Variants in MAST4 observed in about 807,000 individuals in gnomAD.
MAST4 encodes microtubule-associated serine/threonine-protein kinase 4.
In MAST4, 89 loss-of-function variants were observed where a neutral mutation model predicts 162.7. The observed-to-expected ratio is 0.55, with a 90% CI of 0.46 to 0.65. MAST4 has a LOEUF of 0.65. MAST4 is among the 30% of genes least tolerant of loss of function. The probability of loss-of-function intolerance (pLI) is 0.00; values close to 1 mark genes in which losing one functional copy is unlikely to be tolerated. For missense variants in MAST4, 3,153 were observed against 3,374.0 expected (o/e 0.93, Z 1.62); for synonymous variants, 1,479 against 1,361.1 (o/e 1.09, Z -1.91).
chr5:66,606,845 A>G (rs1742918180), intron 1 of MAST4, among the ~76,000 whole-genome samples: 1 of 149,730 alleles, frequency 6.7e-6, no homozygotes, highest in Admixed American at 6.8e-5. Context: ...CTGAAAGTGA[A>G]TTTGCTCATT....
At chr5:66,709,564 A>G (rs1047714528) in intron 1 of MAST4, among the ~76,000 whole-genome samples, 1 of 152,044 alleles carries the variant, frequency 6.6e-6, no homozygotes, top group African/African-American at 2.4e-5. Context: ...CAGTCCTCCC[A>G]TCTCGGCCTC....
At chr5:66,625,042 T>A (rs1744338375) in intron 1 of MAST4, among the ~76,000 whole-genome samples, 1 of 152,238 alleles carries the variant, frequency 6.6e-6, no homozygotes, top group African/African-American at 2.4e-5. Flanking sequence ...AAGTGTTATT[T>A]TTTTGTACAT....
intron 26 of MAST4, among the ~76,000 whole-genome samples, chr5:67,154,625 C>A (rs1040191853): frequency 6.6e-6 from 1 of 152,152 alleles, no homozygotes; most frequent in Non-Finnish European, 1.5e-5. Flanking sequence ...CTTGCACAAC[C>A]CAAAGCCTTC....
At chr5:66,720,713 T>C (rs560562633) in intron 1 of MAST4, among the ~76,000 whole-genome samples, 1 of 152,208 alleles carries the variant, frequency 6.6e-6, no homozygotes, top group Non-Finnish European at 1.5e-5. Context: ...TTTTTAATGA[T>C]TCTTTCTTTT....
chr5:67,028,917 C>T (rs1447028547), intron 4 of MAST4, among the ~76,000 whole-genome samples: 1 of 151,880 alleles, frequency 6.6e-6, no homozygotes, highest in Non-Finnish European at 1.5e-5. Flanking sequence ...TCGCTTAAGC[C>T]AAGGAGTTCA....
chr5:66,930,936 G>T, intron 4 of MAST4: 1 of 263,780 alleles, frequency 3.8e-6, no homozygotes, highest in Non-Finnish European at 7.8e-6. Flanking sequence ...GCTGCGTAGG[G>T]TAAATAAAGG....
At chr5:66,643,716 C>T (rs1745635753) in intron 1 of MAST4, among the ~76,000 whole-genome samples, 1 of 151,928 alleles carries the variant, frequency 6.6e-6, no homozygotes, top group Non-Finnish European at 1.5e-5. Context: ...CATCATACTC[C>T]TCTTGGTTCA....
chr5:66,746,950 T>A (rs889298817), intron 1 of MAST4, among the ~76,000 whole-genome samples: 1 of 151,904 alleles, frequency 6.6e-6, no homozygotes, highest in Middle Eastern at 3.4e-3. Context: ...AAAATGATAC[T>A]AGCTTTATTT....
intron 3 of MAST4, among the ~76,000 whole-genome samples, chr5:66,791,597 A>G (rs1387983671): frequency 6.6e-6 from 1 of 152,230 alleles, no homozygotes; most frequent in African/African-American, 2.4e-5. Context: ...AAATGCTGAA[A>G]TACCATGTAG....
At chr5:66,967,956 A>G (rs1746953582) in intron 4 of MAST4, among the ~76,000 whole-genome samples, 1 of 152,138 alleles carries the variant, frequency 6.6e-6, no homozygotes, top group Admixed American at 6.5e-5. Context: ...TGTTTGTATA[A>G]TGGTGACATC....
chr5:67,073,439 G>T (rs1440261310), intron 5 of MAST4, among the ~76,000 whole-genome samples: 2 of 152,216 alleles, frequency 1.3e-5, no homozygotes, highest in African/African-American at 4.8e-5. Context: ...CATCAGCCCT[G>T]CAGAGGCAGG....
intron 1 of MAST4, among the ~76,000 whole-genome samples, chr5:66,722,131 C>A (rs1186053888): frequency 6.6e-6 from 1 of 152,064 alleles, no homozygotes; most frequent in East Asian, 1.9e-4. Flanking sequence ...TCAGCCAGAC[C>A]ACTCTTCTGC....
chr5:66,845,904 T>C (rs1049644715), intron 3 of MAST4, among the ~76,000 whole-genome samples: 1 of 152,144 alleles, frequency 6.6e-6, no homozygotes, highest in Admixed American at 6.6e-5. Flanking sequence ...ACTTCAAGGA[T>C]GCTTTTGAAA....
At chr5:66,861,575 A>C (rs1231152706) in intron 3 of MAST4, among the ~76,000 whole-genome samples, 1 of 152,250 alleles carries the variant, frequency 6.6e-6, no homozygotes, top group Non-Finnish European at 1.5e-5. Flanking sequence ...TGAGCCCCAC[A>C]GGGCAAAGCC....
At chr5:66,697,521 T>TA (rs1749485016) in intron 1 of MAST4, among the ~76,000 whole-genome samples, 1 of 152,236 alleles carries the variant, frequency 6.6e-6, no homozygotes, top group Non-Finnish European at 1.5e-5. Context: ...CAATAGTCCT[T>TA]ACTTTTTGCA....
chr5:66,877,912 A>T (rs567844342), intron 3 of MAST4, among the ~76,000 whole-genome samples: 6 of 152,344 alleles, frequency 3.9e-5, no homozygotes, highest in African/African-American at 1.4e-4. Flanking sequence ...ACTTTCTGAA[A>T]TTGCTAGAGG....
chr5:66,678,513 T>C (rs1748105574), intron 1 of MAST4, among the ~76,000 whole-genome samples: 1 of 150,220 alleles, frequency 6.7e-6, no homozygotes, highest in Non-Finnish European at 1.5e-5. Context: ...TTTTTTTTTT[T>C]GAGATGGAGT....
At chr5:66,949,381 T>C (rs1744404203) in intron 4 of MAST4, among the ~76,000 whole-genome samples, 1 of 152,182 alleles carries the variant, frequency 6.6e-6, no homozygotes, top group Non-Finnish European at 1.5e-5. Flanking sequence ...GCTGTTCTCA[T>C]GGTAGTGAGT....
At chr5:66,913,153 ATAATT>A (rs1482112636) in intron 4 of MAST4, among the ~76,000 whole-genome samples, 5 of 152,208 alleles carry the variant, frequency 3.3e-5, no homozygotes, top group African/African-American at 9.6e-5. Flanking sequence ...TAAACTGTAC[ATAATT>A]TAAAGTGCAC....
Sources: allele counts gnomAD v4.1 joint callset (sites outside exome capture counted in the v4.1 genomes callset), GRCh38; gene constraint gnomAD v4.1.1; transcripts MANE v1.5; gene names NCBI Gene and HGNC (gene_info 2026-07-23, HGNC 2026-07-21).